Variants in PACRG observed in about 807,000 individuals in gnomAD.
The protein encoded by PACRG is parkin coregulated.
PACRG carries 29 observed loss-of-function variants against 29.7 expected under a neutral mutation model. The observed-to-expected ratio is 0.98, with a 90% CI of 0.73 to 1.33. The LOEUF is 1.33. Among genes scored for constraint, PACRG ranks in the 40% most tolerant of loss-of-function variants. The pLI, the probability that PACRG is intolerant of heterozygous loss-of-function variation, is 0.00. For missense variants in PACRG, 279 were observed against 316.2 expected, an observed-to-expected ratio of 0.88 and a Z score of 0.89; for synonymous variants, 116 against 118.7, an observed-to-expected ratio of 0.98 and a Z score of 0.15.
intron 2 of PACRG, among the ~76,000 whole-genome samples, chr6:163,013,825 A>G (rs1805836227): frequency 6.6e-6 from 1 of 152,064 alleles, no homozygotes; most frequent in African/African-American, 2.4e-5. Flanking sequence ...ACTTTATGGA[A>G]TTGACAAATA....
chr6:163,160,756 T>G (rs934603957), intron 4 of PACRG, among the ~76,000 whole-genome samples: 5 of 152,188 alleles, frequency 3.3e-5, no homozygotes, highest in African/African-American at 1.2e-4. Context: ...ACCTGAAACT[T>G]GCTGAGAAGA....
At chr6:162,811,885 C>T (rs772769845) in intron 1 of PACRG, among the ~76,000 whole-genome samples, 8 of 152,044 alleles carry the variant, frequency 5.3e-5, no homozygotes, top group South Asian at 2.1e-4. Flanking sequence ...TGTGAACAAC[C>T]ATGTCAGCGC....
chr6:163,141,027 T>C (rs1286433312), intron 4 of PACRG, among the ~76,000 whole-genome samples: 3 of 152,030 alleles, frequency 2.0e-5, no homozygotes, highest in East Asian at 3.9e-4. Context: ...CTAAGCACAG[T>C]GTGATAAAAC....
intron 1 of PACRG, among the ~76,000 whole-genome samples, chr6:162,780,886 T>C (rs1784045735): frequency 6.6e-6 from 1 of 151,954 alleles, no homozygotes. Flanking sequence ...AAAAAGAACA[T>C]TTTTTCAGCA....
intron 1 of PACRG, among the ~76,000 whole-genome samples, chr6:162,785,311 T>C (rs980917678): frequency 6.6e-6 from 1 of 151,768 alleles, no homozygotes; most frequent in Non-Finnish European, 1.5e-5. Flanking sequence ...CAGAAAGAAA[T>C]AGATAAGTCT....
chr6:163,274,038 TTTA>T lies in PACRG; in HGVS notation c.614-40781_614-40779del, dbSNP rs988217651. On this transcript the variant is annotated intron_variant, in intron 4 of 4. Coordinates refer to ENST00000366888, the MANE Select transcript of PACRG (RefSeq NM_001080379.2). ...GTTTTCTTTTTCTTTTTAGTTTTTTTTTATTATTATACTCTAAGTTCTAGGGTA... is the reference window on the plus strand; with the variant it reads ...GTTTTCTTTTTCTTTTTAGTTTTTTTTTATTATACTCTAAGTTCTAGGGTA... Among the ~76,000 whole-genome samples, 11 of 152,328 alleles carry T rather than the reference TTTA, an allele frequency of 7.2e-5. No individual in the cohort carries two copies. In the South Asian group the frequency reaches 1.7e-3, roughly 23 times the overall value.
intron 4 of PACRG, chr6:163,101,429 T>A (rs1815078687): frequency 1.1e-6 from 1 of 942,472 alleles, no homozygotes; most frequent in South Asian, 4.9e-5. Flanking sequence ...TTTGTATGAG[T>A]CTTTATTTAT....
At chr6:163,081,774 G>C (rs967074030) in intron 3 of PACRG, among the ~76,000 whole-genome samples, 14 of 151,884 alleles carry the variant, frequency 9.2e-5, no homozygotes, top group African/African-American at 3.4e-4. Flanking sequence ...AAGTGGGGGG[G>C]AGTAAATGCC....
At chr6:163,084,649 C>CT (rs1813379990) in intron 3 of PACRG, among the ~76,000 whole-genome samples, 1 of 152,008 alleles carries the variant, frequency 6.6e-6, no homozygotes, top group Non-Finnish European at 1.5e-5. Flanking sequence ...AATCCAATAA[C>CT]GTTGATCACA....
At chr6:163,066,448 G>A (rs566169) in intron 3 of PACRG, among the ~76,000 whole-genome samples, 34,979 of 152,104 alleles carry the variant, frequency 0.23, 4,749 homozygotes, top group East Asian at 0.66. Flanking sequence ...GGACAGTGTA[G>A]TGTGAAAAGC....
At chr6:162,862,234 C>T (rs1791920236) in intron 2 of PACRG, among the ~76,000 whole-genome samples, 1 of 152,186 alleles carries the variant, frequency 6.6e-6, no homozygotes, top group Non-Finnish European at 1.5e-5. Flanking sequence ...CCAATTCCCC[C>T]TTGTACCACC....
At position 162,833,709 on chromosome 6, in the gene PACRG, C is replaced by A. The variant is rs983443922; in HGVS notation, c.291+19428C>A. Among the ~76,000 whole-genome samples, 4 of 151,166 alleles carry A rather than the reference C, an allele frequency of 2.6e-5. No individual in the cohort carries two copies. The East Asian group carries it at 5.8e-4, about 22-fold the overall frequency. Reference sequence around the variant, plus strand: ...TTTTGCCCACTTTTTAATGGGACTGCAATTAAAAAAATATGTACTTAAAAA... The same window carrying A: ...TTTTGCCCACTTTTTAATGGGACTGAAATTAAAAAAATATGTACTTAAAAA... On this transcript the variant is annotated intron_variant, in intron 2 of 4. Coordinates refer to ENST00000366888, the MANE Select transcript of PACRG (RefSeq NM_001080379.2).
intron 4 of PACRG, among the ~76,000 whole-genome samples, chr6:163,216,027 G>A (rs982833845): frequency 6.6e-6 from 1 of 152,204 alleles, no homozygotes; most frequent in African/African-American, 2.4e-5. Context: ...AAGCCCGGCT[G>A]GGAAGAGAAG....
intron 4 of PACRG, among the ~76,000 whole-genome samples, chr6:163,270,703 T>TA (rs1243083354): frequency 1.3e-5 from 2 of 151,866 alleles, no homozygotes; most frequent in African/African-American, 4.8e-5. Context: ...CCAAATACAA[T>TA]ATGGGCAAAT....
At chr6:162,875,748 G>A (rs549708204) in intron 2 of PACRG, among the ~76,000 whole-genome samples, 1 of 152,308 alleles carries the variant, frequency 6.6e-6, no homozygotes, top group East Asian at 1.9e-4. Context: ...TTAAATGCAT[G>A]GAGTTATCAA....
chr6:162,753,596 C>T (rs1278995345), intron 1 of PACRG, among the ~76,000 whole-genome samples: 1 of 152,110 alleles, frequency 6.6e-6, no homozygotes, highest in African/African-American at 2.4e-5. Context: ...ATTGTAATCT[C>T]CATGTGTCAG....
chr6:162,894,915 A>G (rs1185883305), intron 2 of PACRG, among the ~76,000 whole-genome samples: 4 of 152,216 alleles, frequency 2.6e-5, no homozygotes, highest in East Asian at 3.9e-4. Flanking sequence ...AAACTTAATG[A>G]AAGTGTTCAT....
chr6:162,996,885 CA>C (rs1180189726), intron 2 of PACRG, among the ~76,000 whole-genome samples: 36 of 152,040 alleles, frequency 2.4e-4, no homozygotes, highest in Non-Finnish European at 5.9e-5. Flanking sequence ...GCTAAGTAAT[CA>C]GGGTTAAAAT....
In PACRG at chr6:162,787,317, A is replaced by G. The variant is rs993815959; in HGVS notation, c.157-26830A>G. On this transcript the variant is annotated intron_variant, in intron 1 of 4. Coordinates refer to ENST00000366888, the MANE Select transcript of PACRG (RefSeq NM_001080379.2). ...GTGTCAGCAAGTATTTTAGATTAAT[A>G]CCCTATGTTTGATTGATGGAATTGT... Among the ~76,000 whole-genome samples the G allele has an allele frequency of 2.6e-5, 4 of 151,914 alleles. No homozygotes were observed. The East Asian group carries it at 7.8e-4, about 29-fold the overall frequency.
Sources: allele counts gnomAD v4.1 joint callset (sites outside exome capture counted in the v4.1 genomes callset), GRCh38; gene constraint gnomAD v4.1.1; transcripts MANE v1.5; gene names NCBI Gene and HGNC (gene_info 2026-07-23, HGNC 2026-07-21).